Variants in AKAP19 observed in about 807,000 individuals in gnomAD.
AKAP19 encodes the protein small A-kinase anchoring protein.
the AKAP19 span, among the ~76,000 whole-genome samples, chr2:190,145,546 T>C: frequency 6.6e-6 from 1 of 152,206 alleles, no homozygotes; most frequent in Non-Finnish European, 1.5e-5. Flanking sequence ...CATAAGATTA[T>C]AATACCATAT....
the AKAP19 span, among the ~76,000 whole-genome samples, chr2:190,006,968 C>T: frequency 2.0e-5 from 3 of 151,984 alleles, no homozygotes; most frequent in Non-Finnish European, 2.9e-5. Flanking sequence ...TGCAGTGAGC[C>T]GAGATCGCAC....
chr2:189,889,740 T>G, the AKAP19 span, among the ~76,000 whole-genome samples: 3 of 152,236 alleles, frequency 2.0e-5, no homozygotes, highest in African/African-American at 7.2e-5. Flanking sequence ...TATTATCTGA[T>G]GGTAGTTTGT....
the AKAP19 span, among the ~76,000 whole-genome samples, chr2:190,152,015 C>A: frequency 1.4e-5 from 2 of 144,742 alleles, no homozygotes; most frequent in South Asian, 4.5e-4. Flanking sequence ...AAAACAACAA[C>A]AAAAAAAAAA....
chr2:190,104,082 G>A, the AKAP19 span, among the ~76,000 whole-genome samples: 3 of 152,176 alleles, frequency 2.0e-5, no homozygotes, highest in Non-Finnish European at 2.9e-5. Flanking sequence ...AATAAGCAAT[G>A]AGGAAAGGAC....
At chr2:189,926,583 G>C in the AKAP19 span, among the ~76,000 whole-genome samples, 1 of 108,892 alleles carries the variant, frequency 9.2e-6, no homozygotes. Context: ...ACCGCGCCCG[G>C]CCTTTTTTTT....
chr2:189,922,454 G>A, the AKAP19 span, among the ~76,000 whole-genome samples: 2 of 152,224 alleles, frequency 1.3e-5, no homozygotes, highest in Non-Finnish European at 2.9e-5. Flanking sequence ...ATAGAGAGAA[G>A]TAGGTAGATT....
chr2:189,946,085 A>T, the AKAP19 span, among the ~76,000 whole-genome samples: 1 of 152,194 alleles, frequency 6.6e-6, no homozygotes, highest in Admixed American at 6.5e-5. Context: ...CAAAACTATC[A>T]TGGAGAAATT....
At chr2:190,062,114 A>T in the AKAP19 span, 2 of 1,145,398 alleles carry the variant, frequency 1.7e-6, no homozygotes, top group Non-Finnish European at 2.5e-6. Flanking sequence ...CTTTCTACTT[A>T]CATACAGGCC....
At chr2:189,987,495 A>G in the AKAP19 span, among the ~76,000 whole-genome samples, 2 of 152,326 alleles carry the variant, frequency 1.3e-5, no homozygotes, top group South Asian at 4.1e-4. Flanking sequence ...TCAGTCCTTA[A>G]AGCAACCCTC....
chr2:190,197,358 G>C, the AKAP19 span, among the ~76,000 whole-genome samples: 1 of 152,146 alleles, frequency 6.6e-6, no homozygotes, highest in Non-Finnish European at 1.5e-5. The surrounding 1 kb of genome is among the most constrained non-coding windows in gnomAD (Gnocchi z 4.0). Flanking sequence ...AGGATTCTAA[G>C]TACTGTATAA....
At chr2:190,035,524 G>T in the AKAP19 span, among the ~76,000 whole-genome samples, 1 of 151,878 alleles carries the variant, frequency 6.6e-6, no homozygotes, top group South Asian at 2.1e-4. Context: ...CACTACTCCT[G>T]CACAGCAGGG....
At chr2:190,047,408 C>T in the AKAP19 span, among the ~76,000 whole-genome samples, 37 of 152,308 alleles carry the variant, frequency 2.4e-4, no homozygotes, top group African/African-American at 7.9e-4. Context: ...CCCAGTCCAG[C>T]GGAGGTGACT....
chr2:190,178,120 G>C, the AKAP19 span, among the ~76,000 whole-genome samples: 25 of 152,266 alleles, frequency 1.6e-4, no homozygotes, highest in African/African-American at 5.5e-4. This position sits in a 1 kb window ranked among gnomAD's most constrained non-coding sequence, Gnocchi z 6.3. Context: ...CTTGGTTCCT[G>C]TTGCCTCTAT....
chr2:190,191,407 A>G, the AKAP19 span, among the ~76,000 whole-genome samples: 211 of 152,316 alleles, frequency 1.4e-3, 1 homozygote, highest in Middle Eastern at 0.01. Context: ...GGCCTCCCAA[A>G]ATACTGGGAT....
At chr2:189,909,951 C>A in the AKAP19 span, among the ~76,000 whole-genome samples, 1 of 151,734 alleles carries the variant, frequency 6.6e-6, no homozygotes, top group African/African-American at 2.4e-5. Context: ...AAACTGATTT[C>A]TTTAACACAG....
chr2:190,180,497 C>G, the AKAP19 span: 1 of 985,564 alleles, frequency 1.0e-6, no homozygotes. This position sits in a 1 kb window ranked among gnomAD's most constrained non-coding sequence, Gnocchi z 6.8. Flanking sequence ...TTGACCTCTG[C>G]GATGCCTCGC....
chr2:190,117,258 C>A, the AKAP19 span, among the ~76,000 whole-genome samples: 1 of 152,164 alleles, frequency 6.6e-6, no homozygotes, highest in Non-Finnish European at 1.5e-5. Context: ...CAAGTAAGAA[C>A]CCCTGAGACT....
chr2:189,905,207 T>C, the AKAP19 span, among the ~76,000 whole-genome samples: 3 of 152,098 alleles, frequency 2.0e-5, no homozygotes, highest in African/African-American at 7.2e-5. Flanking sequence ...CTTTTGAACA[T>C]AGAGACAGCT....
chr2:190,118,044 G>T, the AKAP19 span, among the ~76,000 whole-genome samples: 1 of 152,228 alleles, frequency 6.6e-6, no homozygotes, highest in African/African-American at 2.4e-5. Context: ...TATCACCACC[G>T]ATCCCACAGA....
Sources: gnomAD v4.1 joint callset for allele counts (sites outside exome capture counted in the v4.1 genomes callset) on GRCh38, gnomAD v4.1.1 for gene constraint, Gnocchi (gnomAD v3.1) non-coding constraint, MANE v1.5 for transcripts, NCBI Gene and HGNC (gene_info 2026-07-23, HGNC 2026-07-21) for gene names.